The following KANK1 variants were observed in gnomAD, a reference collection of about 807,000 sequenced individuals.
KANK1 encodes the protein KN motif and ankyrin repeat domains 1, also known as KN motif and ankyrin repeat domain-containing protein 1.
A neutral mutation model predicts 106.2 loss-of-function variants in KANK1; 109 were observed. The observed-to-expected ratio is 1.03, with a 90% CI of 0.88 to 1.20. The LOEUF is 1.20. Among genes scored for constraint, KANK1 ranks in the 50% most tolerant of loss-of-function variants. The pLI is 0.00. For synonymous variants in KANK1, 873 were observed against 652.2 expected (o/e 1.34, Z -5.16); for missense variants, 2,399 against 1,710.7 (o/e 1.40, Z -7.10).
At chr9:653,630 C>G (rs1248059594) in intron 1 of KANK1, among the ~76,000 whole-genome samples, 2 of 152,040 alleles carry the variant, frequency 1.3e-5, no homozygotes, top group African/African-American at 4.8e-5. Context: ...TTTCAAGAGC[C>G]CTGTAAAGCC....
In KANK1 at chr9:712,457, T is replaced by A; in HGVS notation, c.1691T>A (p.Leu564Gln). The change falls in exon 3 of 12, where the codon CTG becomes CAG. Residue 564 changes from leucine to glutamine, a missense_variant. By Grantham distance (113) the Leu-to-Gln change is moderately radical. Coordinates refer to ENST00000382297, the MANE Select transcript of KANK1 (RefSeq NM_015158.5). ...ECKNKVVGPELPMNWWIVKER... is the reference protein window; with the variant it reads ...ECKNKVVGPEQPMNWWIVKER... Reference sequence around the variant, plus strand: ...AAGAATAAAGTCGTAGGGCCTGAGCTGCCTATGAATTGGTGGATTGTTAAG... The same window carrying A: ...AAGAATAAAGTCGTAGGGCCTGAGCAGCCTATGAATTGGTGGATTGTTAAG... 6.2e-7 allele frequency: 1 copy of A among 1,614,146 alleles called. No homozygotes were observed. The highest frequency in any genetic ancestry group is 1.1e-5 in the South Asian group (1 of 91,076).
chr9:515,541 G>C (rs749933423), intron 1 of KANK1, among the ~76,000 whole-genome samples: 2 of 151,682 alleles, frequency 1.3e-5, no homozygotes, highest in Non-Finnish European at 2.9e-5. Flanking sequence ...AACTCTACTA[G>C]TTCTGAGAAT....
chr9:615,562 T>C (rs1563865798), intron 1 of KANK1, among the ~76,000 whole-genome samples: 1 of 152,222 alleles, frequency 6.6e-6, no homozygotes, highest in Non-Finnish European at 1.5e-5. Flanking sequence ...GGAATTTGAT[T>C]CCCACTTGTT....
At chr9:671,891 T>A (rs1484659229) in intron 1 of KANK1, among the ~76,000 whole-genome samples, 1 of 151,834 alleles carries the variant, frequency 6.6e-6, no homozygotes, top group Non-Finnish European at 1.5e-5. Flanking sequence ...GAGGTTGCAG[T>A]GAGCTGAGAT....
chr9:557,962 G>A (rs890836182), intron 1 of KANK1, among the ~76,000 whole-genome samples: 1 of 151,850 alleles, frequency 6.6e-6, no homozygotes, highest in Non-Finnish European at 1.5e-5. Context: ...CTATGATCGC[G>A]CCACTGCATT....
At chr9:571,910 A>T (rs1441838733) in intron 1 of KANK1, among the ~76,000 whole-genome samples, 1 of 152,190 alleles carries the variant, frequency 6.6e-6, no homozygotes, top group East Asian at 1.9e-4. Flanking sequence ...CATGTCTCAT[A>T]AATCAAGTCC....
At chr9:521,589 A>G (rs2059555707) in intron 1 of KANK1, among the ~76,000 whole-genome samples, 1 of 129,406 alleles carries the variant, frequency 7.7e-6, no homozygotes, top group Admixed American at 8.3e-5. Flanking sequence ...TTTTTTGGAG[A>G]CAGAGTTTTG....
At chr9:476,068 G>A (rs1169668930) in intron 3 of KANK1, among the ~76,000 whole-genome samples, 2 of 150,108 alleles carry the variant, frequency 1.3e-5, no homozygotes, top group African/African-American at 4.9e-5. Flanking sequence ...GACCAAGCTA[G>A]TCTTGAACTC....
At chr9:739,361 T>G (rs1160078459) in intron 8 of KANK1, among the ~76,000 whole-genome samples, 1 of 152,262 alleles carries the variant, frequency 6.6e-6, no homozygotes, top group African/African-American at 2.4e-5. Flanking sequence ...TGTCCAATTT[T>G]CTGAAATTCT....
At chr9:643,904 T>C (rs1839076546) in intron 1 of KANK1, among the ~76,000 whole-genome samples, 1 of 150,808 alleles carries the variant, frequency 6.6e-6, no homozygotes. Context: ...GGTTTCACCA[T>C]GTTGCCCAGG....
upstream of KANK1, among the ~76,000 whole-genome samples, chr9:503,965 T>C (rs76537429): frequency 7.3e-3 from 1,109 of 152,288 alleles, 19 homozygotes; most frequent in African/African-American, 0.024. Context: ...CCGAGGACTC[T>C]GTCCTGCAGC....
Position 732,450 on chromosome 9 carries a change from T to G in KANK1, c.3078T>G (p.Asp1026Glu). Residue 1026 changes from aspartate to glutamate, a missense_variant, in exon 6 of 12, where the codon GAT (aspartate) becomes GAG (glutamate). Transcript: ENST00000382297. ...SSSSESDDEC[D>E]VIEYPLEEEE... ...CTTCCGAGTCAGATGACGAGTGTGATGTCATTGAGTATCCTCTTGAAGAAG... is the reference window on the plus strand; with the variant it reads ...CTTCCGAGTCAGATGACGAGTGTGAGGTCATTGAGTATCCTCTTGAAGAAG... 3 of 1,614,146 alleles carry G rather than the reference T, an allele frequency of 1.9e-6. No individual in the cohort carries two copies. Among genetic ancestry groups the G allele is most frequent in the Non-Finnish European group, 2.5e-6 (3 of 1,180,024 alleles).
intron 1 of KANK1, among the ~76,000 whole-genome samples, chr9:516,372 TCA>T (rs2059278409): frequency 6.6e-6 from 1 of 151,776 alleles, no homozygotes; most frequent in African/African-American, 2.4e-5. Context: ...GCTTAATTCA[TCA>T]CAGTTTCTCA....
intron 5 of KANK1, 196 bp downstream of exon 5, chr9:731,462 T>G: frequency 2.2e-6 from 1 of 454,862 alleles, no homozygotes; most frequent in Non-Finnish European, 4.0e-6. Flanking sequence ...TGTCACTCTC[T>G]TAAGGATACC....
At chr9:513,540 C>T (rs759280632) in intron 1 of KANK1, among the ~76,000 whole-genome samples, 1 of 152,120 alleles carries the variant, frequency 6.6e-6, no homozygotes, top group South Asian at 2.1e-4. Context: ...CATATAAGAA[C>T]CTCTAGTCTT....
At chr9:686,213 C>T (rs1352455094) in intron 2 of KANK1, among the ~76,000 whole-genome samples, 1 of 152,154 alleles carries the variant, frequency 6.6e-6, no homozygotes, top group African/African-American at 2.4e-5. Flanking sequence ...TCTGTCTACC[C>T]AACACGGTGC....
chr9:744,931 C>T, intron 11 of KANK1: 2 of 1,431,540 alleles, frequency 1.4e-6, no homozygotes, highest in Non-Finnish European at 9.1e-7. Flanking sequence ...TGGCAGGCAG[C>T]CTGTAGTCCA....
intron 1 of KANK1, among the ~76,000 whole-genome samples, chr9:645,522 A>G (rs1024292313): frequency 1.3e-5 from 2 of 150,418 alleles, no homozygotes; most frequent in Admixed American, 1.3e-4. Context: ...TGAAATCCCT[A>G]ATGTTTAAAA....
intron 10 of KANK1, among the ~76,000 whole-genome samples, chr9:743,946 C>G (rs1836437351): frequency 1.3e-5 from 2 of 152,182 alleles, no homozygotes; most frequent in Admixed American, 6.5e-5. Context: ...TAATGGAAAT[C>G]AAGCAGTTAA....
Sources: allele counts gnomAD v4.1 joint callset (sites outside exome capture counted in the v4.1 genomes callset), GRCh38; gene constraint gnomAD v4.1.1; transcripts MANE v1.5; gene names NCBI Gene and HGNC (gene_info 2026-07-23, HGNC 2026-07-21).